C8orf34: variants seen among roughly 807,000 people sequenced by gnomAD.
C8orf34 encodes chromosome 8 open reading frame 34.
Under a neutral mutation model 68.3 loss-of-function variants are expected in C8orf34, and 65 were observed. The observed-to-expected ratio is 0.95, with a 90% CI of 0.78 to 1.17. The LOEUF is 1.17. C8orf34 is among the 50% of genes most tolerant of loss of function. The pLI is 0.00. For missense variants in C8orf34, 664 were observed against 655.4 expected, an observed-to-expected ratio of 1.01 and a Z score of -0.14; for synonymous variants, 244 against 241.2, an observed-to-expected ratio of 1.01 and a Z score of -0.11.
chr8:68,742,876 C>T (rs2129527300), intron 10 of C8orf34, among the ~76,000 whole-genome samples: 1 of 152,302 alleles, frequency 6.6e-6, no homozygotes, highest in East Asian at 1.9e-4. Context: ...TTAATTACCA[C>T]TTTTTCTTCC....
chr8:68,330,753 C>T (rs930589533), upstream of C8orf34: 2 of 383,366 alleles, frequency 5.2e-6, no homozygotes, highest in Non-Finnish European at 9.2e-6. Flanking sequence ...CTGTTTGTTC[C>T]GTCACCGGGG....
At position 68,460,227 on chromosome 8, in the gene C8orf34, G is replaced by A. The variant is rs1405876016; in HGVS notation, c.608-8465G>A. Among the ~76,000 whole-genome samples, 8 of 152,276 alleles carry A rather than the reference G, an allele frequency of 5.3e-5. No individual in the cohort carries two copies. In the East Asian group the frequency reaches 1.4e-3, roughly 26 times the overall value. On this transcript the variant is annotated intron_variant, in intron 3 of 13. Transcript: ENST00000518698. ...TGAGATCAAACTGCAAGGCAGCAGC[G>A]AGGCTGGGGGAGGGGCGCCCGCCAT... is the stretch of plus-strand genomic sequence containing the variant.
chr8:68,460,355 G>T (rs1388909468), intron 3 of C8orf34, among the ~76,000 whole-genome samples: 1 of 152,226 alleles, frequency 6.6e-6, no homozygotes, highest in Admixed American at 6.5e-5. Context: ...CTCCACCTCT[G>T]GGGGCAGGGC....
intron 1 of C8orf34, among the ~76,000 whole-genome samples, chr8:68,374,977 A>G (rs1807730527): frequency 6.6e-6 from 1 of 152,344 alleles, no homozygotes. Flanking sequence ...CTGCAAAATA[A>G]GATGGCAATA....
intron 4 of C8orf34, among the ~76,000 whole-genome samples, chr8:68,473,064 T>C (rs1812448731): frequency 1.3e-5 from 2 of 152,136 alleles, no homozygotes; most frequent in Admixed American, 1.3e-4. Context: ...AAAGAGTAGT[T>C]GTGAAGCGGC....
At chr8:68,612,513 T>A (rs1818053130) in intron 7 of C8orf34, among the ~76,000 whole-genome samples, 1 of 152,172 alleles carries the variant, frequency 6.6e-6, no homozygotes, top group Non-Finnish European at 1.5e-5. Flanking sequence ...TTTGATTGAT[T>A]ATTTCAAACT....
chr8:68,588,761 A>C (rs1367983930), intron 7 of C8orf34, among the ~76,000 whole-genome samples: 1 of 152,180 alleles, frequency 6.6e-6, no homozygotes, highest in East Asian at 1.9e-4. Context: ...AATTGGTAAA[A>C]TATCGATCCC....
chr8:68,372,905 C>T (rs577344708), intron 1 of C8orf34, among the ~76,000 whole-genome samples: 2 of 152,288 alleles, frequency 1.3e-5, no homozygotes, highest in South Asian at 2.1e-4. Context: ...AGGAAATGAA[C>T]GTGCAGAGTA....
chr8:68,613,670 T>C (rs556777649), intron 7 of C8orf34, among the ~76,000 whole-genome samples: 35 of 151,862 alleles, frequency 2.3e-4, no homozygotes, highest in Admixed American at 2.0e-3. Context: ...GTGCCACATT[T>C]TCTTAATCCA....
intron 7 of C8orf34, among the ~76,000 whole-genome samples, chr8:68,563,254 T>C (rs991787814): frequency 6.6e-6 from 1 of 152,204 alleles, no homozygotes; most frequent in Non-Finnish European, 1.5e-5. Flanking sequence ...AAAGTAAGGA[T>C]GTATGCAAAG....
chr8:68,503,965 G>T (rs1295193103), intron 5 of C8orf34, among the ~76,000 whole-genome samples: 2 of 152,066 alleles, frequency 1.3e-5, no homozygotes, highest in Non-Finnish European at 2.9e-5. Flanking sequence ...TCCTTTTAAA[G>T]TATATGGTTT....
intron 1 of C8orf34, among the ~76,000 whole-genome samples, chr8:68,360,515 C>T (rs1188855579): frequency 1.3e-5 from 2 of 152,122 alleles, no homozygotes; most frequent in African/African-American, 4.8e-5. Flanking sequence ...TTTAGTCCTG[C>T]CTCCAGACAT....
chr8:68,641,064 C>A (rs1226081348), intron 8 of C8orf34, among the ~76,000 whole-genome samples: 2 of 152,204 alleles, frequency 1.3e-5, no homozygotes, highest in Non-Finnish European at 2.9e-5. Flanking sequence ...AGCAGAAACT[C>A]ACCAAATAGC....
At chr8:68,677,102 C>T (rs11992298) in intron 8 of C8orf34, among the ~76,000 whole-genome samples, 10,705 of 151,870 alleles carry the variant, frequency 0.07, 535 homozygotes, top group African/African-American at 0.14. Flanking sequence ...TGGAATAAAA[C>T]GGGAAATCAA....
chr8:68,742,431 C>T (rs1043177144), intron 10 of C8orf34, among the ~76,000 whole-genome samples: 6 of 152,200 alleles, frequency 3.9e-5, no homozygotes, highest in African/African-American at 1.4e-4. Flanking sequence ...AGTCCTTTAA[C>T]ATCCATAAGC....
chr8:68,634,762 C>T (rs1678340350), intron 7 of C8orf34, among the ~76,000 whole-genome samples: 1 of 152,100 alleles, frequency 6.6e-6, no homozygotes, highest in Non-Finnish European at 1.5e-5. Context: ...TTATTAGGAG[C>T]TCATTGATCT....
intron 1 of C8orf34, among the ~76,000 whole-genome samples, chr8:68,419,576 C>T (rs1201380961): frequency 6.6e-6 from 1 of 151,554 alleles, no homozygotes; most frequent in Non-Finnish European, 1.5e-5. Context: ...TTGGAACCAA[C>T]CCAAATGTCC....
At chr8:68,637,975 A>G (rs1217417498) in intron 7 of C8orf34, among the ~76,000 whole-genome samples, 1 of 152,212 alleles carries the variant, frequency 6.6e-6, no homozygotes, top group Non-Finnish European at 1.5e-5. Flanking sequence ...AAATTTTAAT[A>G]AGAATAAAAT....
chr8:68,626,059 T>G (rs1563571038), intron 7 of C8orf34, among the ~76,000 whole-genome samples: 1 of 152,206 alleles, frequency 6.6e-6, no homozygotes, highest in Non-Finnish European at 1.5e-5. Flanking sequence ...TTATAAATAT[T>G]AGTTTGATTT....
Sources: gnomAD v4.1 joint callset for allele counts (sites outside exome capture counted in the v4.1 genomes callset) on GRCh38, gnomAD v4.1.1 for gene constraint, MANE v1.5 for transcripts, NCBI Gene and HGNC (gene_info 2026-07-23, HGNC 2026-07-21) for gene names.